Variants in PDE4D observed in about 807,000 individuals in gnomAD.
PDE4D encodes 3',5'-cyclic-AMP phosphodiesterase 4D.
Under a neutral mutation model 87.4 loss-of-function variants are expected in PDE4D, and 24 were observed. The ratio of observed to expected loss-of-function variants is 0.27; its 90% CI spans 0.20 to 0.39. The LOEUF (loss-of-function observed/expected upper bound fraction) is 0.39, where lower values mean the gene tolerates loss of function less well. Among genes scored for constraint, PDE4D ranks in the 10% least tolerant of loss-of-function variants. The pLI is 1.00. For synonymous variants in PDE4D, 384 were observed against 383.2 expected, an observed-to-expected ratio of 1.00 and a Z score of -0.02; for missense variants, 714 against 1,041.0, an observed-to-expected ratio of 0.69 and a Z score of 4.32.
chr5:60,221,904 T>C (rs1270379045), intron 1 of PDE4D, among the ~76,000 whole-genome samples: 2 of 152,092 alleles, frequency 1.3e-5, no homozygotes, highest in African/African-American at 4.8e-5. Context: ...GCTATGAACA[T>C]TCTTGTACAA....
chr5:60,404,244 CA>C (rs1457900331), intron 1 of PDE4D, among the ~76,000 whole-genome samples: 1 of 146,310 alleles, frequency 6.8e-6, no homozygotes, highest in African/African-American at 2.5e-5. Flanking sequence ...AACTAGTACA[CA>C]ATTAGTGGGT....
chr5:60,448,712 T>A (rs1011189001), intron 1 of PDE4D: 1 of 152,094 alleles, frequency 6.6e-6, no homozygotes, highest in African/African-American at 2.4e-5. Context: ...GAAAATGAAA[T>A]CTCAGTTTCT....
chr5:59,658,766 G>C (rs540986879), intron 1 of PDE4D, among the ~76,000 whole-genome samples: 1 of 152,190 alleles, frequency 6.6e-6, no homozygotes, highest in Non-Finnish European at 1.5e-5. Context: ...TTCCTTTATT[G>C]CATGGTTTAA....
chr5:60,480,948 T>C (rs1429272082), intron 1 of PDE4D, among the ~76,000 whole-genome samples: 1 of 152,170 alleles, frequency 6.6e-6, no homozygotes, highest in Non-Finnish European at 1.5e-5. Context: ...TGGAATGAGC[T>C]AGGGAAATAA....
chr5:59,279,645 T>C (rs1185292603), intron 1 of PDE4D, among the ~76,000 whole-genome samples: 1 of 152,128 alleles, frequency 6.6e-6, no homozygotes, highest in African/African-American at 2.4e-5. Context: ...GACTATACTT[T>C]CTTAATTATA....
chr5:60,237,490 G>C (rs773367344), intron 1 of PDE4D, among the ~76,000 whole-genome samples: 1 of 152,006 alleles, frequency 6.6e-6, no homozygotes, highest in Non-Finnish European at 1.5e-5. Flanking sequence ...AAGACATTAT[G>C]CTGTGTAGAA....
chr5:59,704,731 G>T (rs1292981653), intron 1 of PDE4D, among the ~76,000 whole-genome samples: 1 of 152,136 alleles, frequency 6.6e-6, no homozygotes, highest in African/African-American at 2.4e-5. Context: ...ATTGTGTGGT[G>T]TCCATGAACA....
chr5:60,480,301 AAAT>A (rs577969372), intron 1 of PDE4D, among the ~76,000 whole-genome samples: 319 of 152,270 alleles, frequency 2.1e-3, no homozygotes, highest in African/African-American at 7.4e-3. Context: ...TCAGTTCCCC[AAAT>A]AATAATAAGA....
intron 3 of PDE4D, among the ~76,000 whole-genome samples, chr5:59,903,643 G>T (rs537485294): frequency 1.3e-5 from 2 of 152,232 alleles, no homozygotes; most frequent in African/African-American, 4.8e-5. Flanking sequence ...ATTTTAGCTG[G>T]TTTTCAAAAA....
intron 1 of PDE4D, among the ~76,000 whole-genome samples, chr5:59,765,143 T>A (rs1762628067): frequency 6.6e-6 from 1 of 152,188 alleles, no homozygotes; most frequent in Non-Finnish European, 1.5e-5. Context: ...GGCTTCATAA[T>A]GGAAGGGAGC....
At chr5:60,014,178 A>G (rs1391764810) in intron 2 of PDE4D, among the ~76,000 whole-genome samples, 1 of 151,868 alleles carries the variant, frequency 6.6e-6, no homozygotes, top group African/African-American at 2.4e-5. Context: ...TAGAGGCCAT[A>G]TGGAAAAGCT....
intron 1 of PDE4D, among the ~76,000 whole-genome samples, chr5:59,592,925 CG>C (rs1304800279): frequency 6.6e-6 from 1 of 151,626 alleles, no homozygotes; most frequent in Non-Finnish European, 1.5e-5. Context: ...TTTCCTTATC[CG>C]TAGCATGGAA....
intron 1 of PDE4D, among the ~76,000 whole-genome samples, chr5:60,498,576 T>A (rs1337487669): frequency 6.6e-6 from 1 of 152,232 alleles, no homozygotes; most frequent in Non-Finnish European, 1.5e-5. Flanking sequence ...TGACTGGCTG[T>A]GGGCAGAGGG....
At chr5:59,185,095 A>C in intron 4 of PDE4D, 94 bp downstream of exon 4, 9 of 868,752 alleles carry the variant, frequency 1.0e-5, no homozygotes, top group East Asian at 2.5e-5. Flanking sequence ...GCAACAACAC[A>C]GAGAAGTCTA....
chr5:59,917,299 G>C (rs1395673427), intron 3 of PDE4D, among the ~76,000 whole-genome samples: 2 of 152,070 alleles, frequency 1.3e-5, no homozygotes, highest in Admixed American at 6.6e-5. Context: ...ATGTTTCCAA[G>C]CTGAACTCTA....
chr5:59,281,244 A>G lies in PDE4D; in HGVS notation c.456-65276T>C, dbSNP rs558848954. 2.3e-3 allele frequency among the ~76,000 whole-genome samples: 350 copies of G among 152,210 alleles called. 1 individual carries two copies. Among genetic ancestry groups the G allele is most frequent in the African/African-American group, 8.1e-3 (337 of 41,534 alleles). ...GTTCTCTGATTTGGTTAAGTCATTG[A>G]CCTTTTCTCTTCCTACTTCTATCTT... On this transcript the variant is annotated intron_variant, in intron 1 of 14. Transcript: ENST00000340635.
intron 1 of PDE4D, among the ~76,000 whole-genome samples, chr5:59,716,077 G>A (rs1024440425): frequency 1.3e-5 from 2 of 152,226 alleles, no homozygotes; most frequent in African/African-American, 4.8e-5. Context: ...CATTGAGGGT[G>A]GAGTGTAAGG....
At chr5:59,234,895 T>C (rs1011439198) in intron 1 of PDE4D, among the ~76,000 whole-genome samples, 4 of 148,950 alleles carry the variant, frequency 2.7e-5, no homozygotes, top group African/African-American at 7.4e-5. Flanking sequence ...GAAACTCAAA[T>C]CGAGTTTTTT....
At chr5:59,635,485 C>T (rs145801357) in intron 1 of PDE4D, among the ~76,000 whole-genome samples, 4,289 of 152,204 alleles carry the variant, frequency 0.028, 197 homozygotes, top group African/African-American at 0.098. Context: ...ATGTGAAAAT[C>T]CTCAATAAAA....
Sources: allele counts gnomAD v4.1 joint callset (sites outside exome capture counted in the v4.1 genomes callset), GRCh38; gene constraint gnomAD v4.1.1; transcripts MANE v1.5; gene names NCBI Gene and HGNC (gene_info 2026-07-23, HGNC 2026-07-21).